The following ME3 variants were observed in gnomAD, a reference collection of about 807,000 sequenced individuals.
The protein encoded by ME3 is NADP-dependent malic enzyme, mitochondrial.
A neutral mutation model predicts 68.9 loss-of-function variants in ME3; 48 were observed. The ratio of observed to expected loss-of-function variants is 0.70; its 90% CI spans 0.55 to 0.89. The LOEUF (loss-of-function observed/expected upper bound fraction) is 0.89, where lower values mean the gene tolerates loss of function less well. ME3 is among the 40% of genes least tolerant of loss of function. ME3 has a pLI of 0.00. For synonymous variants in ME3, 320 were observed against 318.8 expected, an observed-to-expected ratio of 1.00 and a Z score of -0.04; for missense variants, 675 against 797.4, an observed-to-expected ratio of 0.85 and a Z score of 1.85.
intron 7 of ME3, among the ~76,000 whole-genome samples, chr11:86,482,057 T>A (rs747136801): frequency 6.6e-6 from 1 of 152,220 alleles, no homozygotes; most frequent in Non-Finnish European, 1.5e-5. Flanking sequence ...TGACTTGCAG[T>A]TATCCATAGG....
At chr11:86,474,975 A>T (rs1401782608) in intron 7 of ME3, among the ~76,000 whole-genome samples, 1 of 152,276 alleles carries the variant, frequency 6.6e-6, no homozygotes, top group Non-Finnish European at 1.5e-5. Flanking sequence ...ACATGAATAA[A>T]TAGGAAAACA....
intron 12 of ME3, 130 bp from the exon 13 acceptor site, chr11:86,446,617 C>G: frequency 1.2e-6 from 1 of 858,770 alleles, no homozygotes; most frequent in Admixed American, 2.5e-5. Flanking sequence ...GTGCTGAGAA[C>G]ATGGCAGGTA....
At chr11:86,554,632 G>C (rs1956843389) in intron 4 of ME3, among the ~76,000 whole-genome samples, 1 of 152,154 alleles carries the variant, frequency 6.6e-6, no homozygotes, top group Admixed American at 6.5e-5. Flanking sequence ...CATAATGATT[G>C]AGTTAGGTAG....
rs1163078852 is a variant in ME3 at position 86,668,408 on chromosome 11, T to TA, written c.183+3353dup. On this transcript the variant is annotated intron_variant, in intron 2 of 14. Coordinates refer to ENST00000543262, the Ensembl canonical transcript of ME3. The stretch of plus-strand genomic sequence containing the variant: ...TCTATTTCATTCTAATACATTTCTT[T>TA]AAAAAAATTGCTGGTAGATCCACTA... Among the ~76,000 whole-genome samples the TA allele has an allele frequency of 1.3e-5, 2 of 152,336 alleles. 1 individual carries two copies. Among genetic ancestry groups the TA allele is most frequent in the South Asian group, 4.1e-4 (2 of 4,824 alleles).
chr11:86,529,191 C>G (rs1274217691), intron 4 of ME3, among the ~76,000 whole-genome samples: 1 of 152,160 alleles, frequency 6.6e-6, no homozygotes, highest in East Asian at 1.9e-4. Flanking sequence ...ACCAATCCCA[C>G]AGAAATACAA....
chr11:86,652,366 G>C (rs1385902756), intron 2 of ME3, among the ~76,000 whole-genome samples: 3 of 152,192 alleles, frequency 2.0e-5, no homozygotes, highest in Non-Finnish European at 4.4e-5. Context: ...TACCCACAAA[G>C]GGAAGCCCAT....
At chr11:86,638,954 ACT>A (rs1424970641) in intron 2 of ME3, among the ~76,000 whole-genome samples, 7 of 152,140 alleles carry the variant, frequency 4.6e-5, no homozygotes, top group African/African-American at 1.7e-4. Flanking sequence ...ACCAGAAATC[ACT>A]GTCATCATGC....
intron 2 of ME3, among the ~76,000 whole-genome samples, chr11:86,578,332 C>G (rs538500925): frequency 6.6e-6 from 1 of 152,136 alleles, no homozygotes; most frequent in Non-Finnish European, 1.5e-5. Flanking sequence ...TAGCCTCTTT[C>G]CTCCAGCAAC....
intron 4 of ME3, among the ~76,000 whole-genome samples, chr11:86,513,341 G>A (rs192144035): frequency 1.3e-5 from 2 of 152,296 alleles, no homozygotes. Context: ...ACTTCTCAAA[G>A]TGCTTTTCCA....
chr11:86,607,690 A>G (rs942650786), intron 2 of ME3, among the ~76,000 whole-genome samples: 1 of 105,230 alleles, frequency 9.5e-6, no homozygotes, highest in Non-Finnish European at 1.8e-5. Flanking sequence ...GAGATAGGGA[A>G]GTCGGTGTTT....
intron 7 of ME3, among the ~76,000 whole-genome samples, chr11:86,468,566 G>A (rs74943352): frequency 0.045 from 6,857 of 152,176 alleles, 371 homozygotes; most frequent in African/African-American, 0.13. Context: ...AGGAGTTGGC[G>A]GAAACTTAAT....
At chr11:86,441,481 G>A (rs1208773949) in intron 14 of ME3, 41 bp from the exon 15 acceptor site, 3 of 1,530,536 alleles carry the variant, frequency 2.0e-6, no homozygotes, top group East Asian at 2.3e-5. Context: ...GGATCTAAGG[G>A]GAAACCTGCT....
At chr11:86,586,533 G>A (rs1351352618) in intron 2 of ME3, among the ~76,000 whole-genome samples, 1 of 152,152 alleles carries the variant, frequency 6.6e-6, no homozygotes, top group Admixed American at 6.5e-5. Context: ...ACATATTGAT[G>A]CTGAAGTCAC....
At chr11:86,607,340 C>T (rs982715286) in intron 2 of ME3, among the ~76,000 whole-genome samples, 1 of 152,028 alleles carries the variant, frequency 6.6e-6, no homozygotes, top group African/African-American at 2.4e-5. Context: ...CTCAGGCATG[C>T]AAAATTTTCC....
At position 86,628,770 on chromosome 11, in the gene ME3, T is replaced by G. The variant is rs79230583; in HGVS notation, c.183+42992A>C. On this transcript the variant is annotated intron_variant, in intron 2 of 14. Transcript: ENST00000543262. ...GACTTTAGATTCATGCAGACCGCAG[T>G]TGCAACTCCTGCACTGGGTAGGCCT... Among the ~76,000 whole-genome samples the G allele has an allele frequency of 7.2e-5, 11 of 152,310 alleles. No individual in the cohort carries two copies. The East Asian group carries it at 2.1e-3, about 29-fold the overall frequency.
chr11:86,523,617 G>A (rs1954498451), intron 4 of ME3, among the ~76,000 whole-genome samples: 1 of 152,102 alleles, frequency 6.6e-6, no homozygotes, highest in South Asian at 2.1e-4. Context: ...TGAGTTCCAA[G>A]AGTTGAAAGA....
chr11:86,601,141 T>C (rs1248428828), intron 2 of ME3, among the ~76,000 whole-genome samples: 1 of 150,978 alleles, frequency 6.6e-6, no homozygotes, highest in Non-Finnish European at 1.5e-5. Flanking sequence ...AAAAAACCCT[T>C]CAAAAAATTA....
chr11:86,492,933 G>T (rs115452528), intron 6 of ME3, among the ~76,000 whole-genome samples: 5 of 152,172 alleles, frequency 3.3e-5, no homozygotes, highest in African/African-American at 1.2e-4. Flanking sequence ...GAGGTCACGG[G>T]ATTGGGTTCA....
chr11:86,671,767 T>A, exon 2 of ME3: 1 of 1,584,290 alleles, frequency 6.3e-7, no homozygotes, highest in South Asian at 1.1e-5. Flanking sequence ...ATTACCTTGT[T>A]GAGATGAGGG....
Sources: gnomAD v4.1 joint callset for allele counts (sites outside exome capture counted in the v4.1 genomes callset) on GRCh38, gnomAD v4.1.1 for gene constraint, MANE v1.5 for transcripts, NCBI Gene and HGNC (gene_info 2026-07-23, HGNC 2026-07-21) for gene names.